The following CMYA5 variants were observed in gnomAD, a reference collection of about 807,000 sequenced individuals.
CMYA5 encodes cardiomyopathy associated 5, also known as cardiomyopathy-associated protein 5.
CMYA5 carries 246 observed loss-of-function variants against 318.9 expected under a neutral mutation model. That is an observed-to-expected ratio of 0.77 (90% CI 0.70 to 0.86). The LOEUF (loss-of-function observed/expected upper bound fraction) is 0.86. CMYA5 is among the 40% of genes least tolerant of loss of function. CMYA5 has a pLI of 0.00. For missense variants in CMYA5, 4,589 were observed against 4,678.2 expected (o/e 0.98, Z 0.56); for synonymous variants, 1,641 against 1,729.5 (o/e 0.95, Z 1.27).
Position 79,736,007 on chromosome 5 carries a change from A to G in CMYA5, c.7242A>G (p.Val2414=). ...SEKPESIILP[V]EESKGSLIDF... is the part of the protein sequence containing the mutation. Reference sequence around the variant, plus strand: ...AACCAGAGTCAATTATTTTGCCAGTAGAAGAATCAAAAGGCAGTTTAATTG... The same window carrying G: ...AACCAGAGTCAATTATTTTGCCAGTGGAAGAATCAAAAGGCAGTTTAATTG... Residue 2414 remains valine (V), a synonymous_variant, in exon 2 of 13, where the codon GTA becomes GTG. Transcript: ENST00000446378. The G allele has an allele frequency of 1.2e-6, 2 of 1,613,228 alleles. No individual in the cohort carries two copies. Among genetic ancestry groups the G allele is most frequent in the Non-Finnish European group, 8.5e-7 (1 of 1,179,664 alleles).
At chr5:79,727,240 T>G (rs1025959935) in intron 1 of CMYA5, among the ~76,000 whole-genome samples, 1 of 152,120 alleles carries the variant, frequency 6.6e-6, no homozygotes, top group Non-Finnish European at 1.5e-5. Context: ...GAATACATAT[T>G]GTAGTCGCCT....
intron 9 of CMYA5, among the ~76,000 whole-genome samples, chr5:79,776,401 G>C (rs1036999236): frequency 6.6e-6 from 1 of 152,124 alleles, no homozygotes; most frequent in African/African-American, 2.4e-5. Flanking sequence ...TTGACAGTTA[G>C]TTAAGATTTT....
In CMYA5 at chr5:79,739,386, G is replaced by A; in HGVS notation, c.10621G>A (p.Ala3541Thr). 1 of 1,537,050 alleles carries A rather than the reference G, an allele frequency of 6.5e-7. No homozygotes were observed. Among genetic ancestry groups the A allele is most frequent in the Non-Finnish European group, 8.8e-7 (1 of 1,142,472 alleles). Reference sequence around the variant, plus strand: ...CCATGAAGTTTCAACGCTTGACACAGCTATAAGTGCTGTAAAGGTAAATAG... The same window carrying A: ...CCATGAAGTTTCAACGCTTGACACAACTATAAGTGCTGTAAAGGTAAATAG... ...KDHEVSTLDTAISAVKVQLAE... is the reference protein window; with the variant it reads ...KDHEVSTLDTTISAVKVQLAE... The change falls in exon 2 of 13, where the codon GCT (alanine) becomes ACT (threonine). Residue 3541 changes from alanine (A) to threonine (T), a missense_variant. Transcript: ENST00000446378.
At chr5:79,764,432 G>A (rs966089076) in intron 9 of CMYA5, among the ~76,000 whole-genome samples, 5 of 152,122 alleles carry the variant, frequency 3.3e-5, no homozygotes, top group African/African-American at 1.2e-4. Context: ...TTGCTATTGT[G>A]AATAGTGCCG....
chr5:79,738,037 T>A lies in CMYA5; in HGVS notation c.9272T>A (p.Ile3091Asn). The change falls in exon 2 of 13, where the codon ATC (isoleucine) becomes AAC (asparagine). Residue 3091 changes from isoleucine to asparagine, a missense_variant. Ile to Asn is a moderately radical substitution (Grantham distance 149). Transcript: ENST00000446378. ...TCAAAGGAAGTTACAGAAGAAACTA[T>A]CTCTTTCCCAGTAAGTTCAGTGGAA... is the stretch of plus-strand genomic sequence containing the variant. ...KLSKEVTEETISFPVSSVESA... is the reference protein window; with the variant it reads ...KLSKEVTEETNSFPVSSVESA... The A allele has an allele frequency of 6.2e-6, 10 of 1,613,278 alleles. No individual in the cohort carries two copies. Among genetic ancestry groups the A allele is most frequent in the Non-Finnish European group, 8.5e-6 (10 of 1,179,702 alleles).
Position 79,730,660 on chromosome 5 carries a change from A to T in CMYA5, c.1895A>T (p.Glu632Val), listed in dbSNP as rs1470774958. ...ATAGCTGAACATGCAGTTTTGTCAG[A>T]AGAAGAGAATGAGGAATTTGAGGCT... is the stretch of plus-strand genomic sequence containing the variant. ...EAIAEHAVLS[E>V]EENEEFEAYS... The change falls in exon 2 of 13, where the codon GAA becomes GTA. Residue 632 changes from glutamate (E) to valine (V), a missense_variant. Glu to Val is a moderately radical substitution (Grantham distance 121). Transcript: ENST00000446378. 1 of 1,613,866 alleles carries T rather than the reference A, an allele frequency of 6.2e-7. No homozygotes were observed. Among genetic ancestry groups the T allele is most frequent in the African/African-American group, 1.3e-5 (1 of 74,934 alleles).
intron 1 of CMYA5, among the ~76,000 whole-genome samples, chr5:79,697,986 G>T (rs556913903): frequency 3.3e-5 from 5 of 152,210 alleles, no homozygotes; most frequent in African/African-American, 1.2e-4. Flanking sequence ...TTGCATTTTC[G>T]TAAGGCCAAA....
At chr5:79,772,208 A>C (rs760984730) in intron 9 of CMYA5, among the ~76,000 whole-genome samples, 1 of 152,132 alleles carries the variant, frequency 6.6e-6, no homozygotes, top group Non-Finnish European at 1.5e-5. Flanking sequence ...ATTCTATTTG[A>C]GATCTTGCCA....
In CMYA5 at chr5:79,752,507, C is replaced by T. The variant is rs552352517; in HGVS notation, c.10992-169C>T. Among the ~76,000 whole-genome samples, 4 of 152,286 alleles carry T rather than the reference C, an allele frequency of 2.6e-5. No homozygotes were observed. The South Asian group carries it at 8.3e-4, about 32-fold the overall frequency. On this transcript the variant is annotated intron_variant, in intron 5 of 12. Coordinates refer to ENST00000446378, the MANE Select transcript of CMYA5 (RefSeq NM_153610.5). Reference sequence around the variant, plus strand: ...CAGTTGCCTAAGAATAGATTTTAGACATATATTTCAAGACTTTAAAGCTTT... The same window carrying T: ...CAGTTGCCTAAGAATAGATTTTAGATATATATTTCAAGACTTTAAAGCTTT...
chr5:79,745,680 GAGAC>G (rs1372159657), intron 4 of CMYA5, among the ~76,000 whole-genome samples: 1 of 152,202 alleles, frequency 6.6e-6, no homozygotes, highest in Non-Finnish European at 1.5e-5. Flanking sequence ...ACAGCTGAAA[GAGAC>G]AGCCTGCAGC....
At chr5:79,742,086 CTTCTTCTTCTTCTTTCTTCTTCTCT>C (rs1828222861) in intron 2 of CMYA5, among the ~76,000 whole-genome samples, 1 of 118,750 alleles carries the variant, frequency 8.4e-6, no homozygotes, top group Non-Finnish European at 1.7e-5. Context: ...TCTTCTTCTT[CTTCTTCTTCTTCTTTCTTCTTCTCT>C]TCTTCTTCTT....
chr5:79,728,914 G>C lies in CMYA5; in HGVS notation c.150-1G>C. On this transcript the variant is annotated splice_acceptor_variant, in intron 1 of 12. Coordinates refer to ENST00000446378, the MANE Select transcript of CMYA5 (RefSeq NM_153610.5). LOFTEE classifies it high-confidence loss of function. ...ATAATTAATATTGTTATTTGCTATA[G>C]GTTATCAGACCAGGATGAAGAGGGA... 6 of 1,471,518 alleles carry C rather than the reference G, an allele frequency of 4.1e-6. No homozygotes were observed. Among genetic ancestry groups the C allele is most frequent in the Non-Finnish European group, 5.4e-6 (6 of 1,101,088 alleles). The allele number at this position is 1,471,518 out of a possible 1,614,324, so 91.2% of individuals were successfully genotyped here.
intron 9 of CMYA5, chr5:79,763,533 A>G (rs1443483988): frequency 7.4e-6 from 2 of 271,226 alleles, no homozygotes; most frequent in Admixed American, 4.9e-5. Flanking sequence ...TTTACTAGCT[A>G]TATCAGAATC....
rs1177945690 is a variant in CMYA5 at position 79,732,485 on chromosome 5, T to A, written c.3720T>A (p.Tyr1240Ter). 3.7e-6 allele frequency: 6 copies of A among 1,613,186 alleles called. No homozygotes were observed. The Admixed American group carries it at 5.0e-5, about 13-fold the overall frequency. ...PPNVPESEMK[Y>*]SVLPDMVDEP... ...ATGTTCCAGAGTCTGAGATGAAATA[T>A]TCAGTTTTGCCTGACATGGTAGATG... Residue 1240 changes from tyrosine (Y) to a stop codon, truncating the protein, a stop_gained, in exon 2 of 13, where the codon TAT (tyrosine) becomes TAA (stop). Transcript: ENST00000446378. LOFTEE classifies it high-confidence loss of function.
intron 1 of CMYA5, among the ~76,000 whole-genome samples, chr5:79,710,844 A>T (rs931146020): frequency 2.0e-5 from 3 of 152,126 alleles, no homozygotes; most frequent in African/African-American, 7.2e-5. Flanking sequence ...CATCATTTTT[A>T]GTGGGTTTTT....
Position 79,738,113 on chromosome 5 carries a change from T to A in CMYA5, c.9348T>A (p.Tyr3116Ter). ...TGGTGAAATTAGATGAAAGTTTTTA[T>A]GGACCAGAAAAGGGCCACAACATAT... ...YDLVKLDESFYGPEKGHNILS... is the reference protein window; with the variant it reads ...YDLVKLDESF The change falls in exon 2 of 13, where the codon TAT becomes TAA. Residue 3116 changes from tyrosine to a stop codon, truncating the protein, a stop_gained. Coordinates refer to ENST00000446378, the MANE Select transcript of CMYA5 (RefSeq NM_153610.5). LOFTEE classifies it high-confidence loss of function. 6.2e-7 allele frequency: 1 copy of A among 1,613,610 alleles called. No homozygotes were observed. The highest frequency in any genetic ancestry group is 8.5e-7 in the Non-Finnish European group (1 of 1,179,772).
In CMYA5 at chr5:79,730,925, G is replaced by T; in HGVS notation, c.2160G>T (p.Pro720=). 6.2e-7 allele frequency: 1 copy of T among 1,613,954 alleles called. No individual in the cohort carries two copies. Among genetic ancestry groups the T allele is most frequent in the Non-Finnish European group, 8.5e-7 (1 of 1,179,878 alleles). Residue 720 remains proline (P), a synonymous_variant, in exon 2 of 13, where the codon CCG becomes CCT. Coordinates refer to ENST00000446378, the MANE Select transcript of CMYA5 (RefSeq NM_153610.5). ...SLKKTIDRKS[P]LILKGVSEYM... ...AGAAAACAATTGACCGTAAGTCCCCGTTAATATTGAAAGGTGTTTCTGAGT... is the reference window on the plus strand; with the variant it reads ...AGAAAACAATTGACCGTAAGTCCCCTTTAATATTGAAAGGTGTTTCTGAGT...
Position 79,732,030 on chromosome 5 carries a change from A to G in CMYA5, c.3265A>G (p.Lys1089Glu). Residue 1089 changes from lysine (K) to glutamate (E), a missense_variant, in exon 2 of 13, where the codon AAA (lysine) becomes GAA (glutamate). Lys to Glu is a moderately conservative substitution (Grantham distance 56). Around this residue, in one of 3 missense-constraint regions of CMYA5, gnomAD observed 2,132 missense variants for 2,131.3 expected, o/e 1.00. Coordinates refer to ENST00000446378, the MANE Select transcript of CMYA5 (RefSeq NM_153610.5). Reference protein sequence around the residue: ...SLPPSTDKSEKAEIKPEIPTT... With the variant: ...SLPPSTDKSEEAEIKPEIPTT... ...GCCGCCTTCAACAGATAAATCAGAG[A>G]AAGCAGAAATTAAGCCAGAGATTCC... The G allele has an allele frequency of 1.9e-6, 3 of 1,613,976 alleles. No individual in the cohort carries two copies. Among genetic ancestry groups the G allele is most frequent in the Non-Finnish European group, 2.5e-6 (3 of 1,179,878 alleles).
In CMYA5 at chr5:79,736,695, G is replaced by C; in HGVS notation, c.7930G>C (p.Asp2644His). The change falls in exon 2 of 13, where the codon GAT (aspartate) becomes CAT (histidine). Residue 2644 changes from aspartate (D) to histidine (H), a missense_variant. By Grantham distance (81) the Asp-to-His change is moderately conservative (BLOSUM62 -1). Transcript: ENST00000446378. ...TFLPVALSCRDEIENHSLSQE... is the reference protein window; with the variant it reads ...TFLPVALSCRHEIENHSLSQE... ...CCTGCCGGTGGCTCTTTCTTGTCGT[G>C]ATGAAATAGAGAACCACTCTTTATC... The C allele has an allele frequency of 1.2e-6, 2 of 1,613,462 alleles. No homozygotes were observed. Among genetic ancestry groups the C allele is most frequent in the South Asian group, 1.1e-5 (1 of 91,060 alleles).
Sources: gnomAD v4.1 joint callset for allele counts (sites outside exome capture counted in the v4.1 genomes callset) on GRCh38, gnomAD v4.1.1 for gene constraint, gnomAD v4.1.1 regional missense constraint, MANE v1.5 for transcripts, NCBI Gene and HGNC (gene_info 2026-07-23, HGNC 2026-07-21) for gene names.